LAMB4: variants seen among roughly 807,000 people sequenced by gnomAD.
The protein encoded by LAMB4 is laminin subunit beta-4.
LAMB4 carries 196 observed loss-of-function variants against 199.2 expected under a neutral mutation model. The observed-to-expected ratio is 0.98, with a 90% CI of 0.88 to 1.11. The LOEUF is 1.11. LAMB4 is among the 50% of genes least tolerant of loss of function. LAMB4 has a pLI of 0.00. For missense variants in LAMB4, 2,080 were observed against 2,171.2 expected (o/e 0.96, Z 0.83); for synonymous variants, 744 against 770.6 (o/e 0.97, Z 0.57).
rs534373430 is a variant in LAMB4 at position 108,028,953 on chromosome 7, T to A, written c.5146+90A>T. The A allele has an allele frequency of 4.7e-4, 602 of 1,273,094 alleles. 3 individuals carry two copies. The highest frequency in any genetic ancestry group is 3.1e-3 in the South Asian group (210 of 67,954). The allele number at this position is 1,273,094 out of a possible 1,614,324, so 78.9% of individuals were successfully genotyped here. A position where few individuals can be genotyped will look rare whatever the true frequency, so the allele number is the denominator to read the frequency against. On this transcript the variant is annotated intron_variant, in intron 33 of 33. Transcript: ENST00000388781. The stretch of plus-strand genomic sequence containing the variant: ...CCTCAGTGGACCCAAGTGATAAAAC[T>A]GTAAGCTGACATTGGTATAAATTCT...
intron 29 of LAMB4, among the ~76,000 whole-genome samples, chr7:108,039,589 C>T (rs2035350854): frequency 6.6e-6 from 1 of 151,698 alleles, no homozygotes; most frequent in Non-Finnish European, 1.5e-5. Context: ...CTGTCTCAGC[C>T]TCCCAAATAG....
At chr7:108,047,418 T>C (rs1021521999) in intron 28 of LAMB4, among the ~76,000 whole-genome samples, 3 of 152,208 alleles carry the variant, frequency 2.0e-5, no homozygotes, top group Non-Finnish European at 4.4e-5. Flanking sequence ...TGATGATCTA[T>C]TTCCTCTCAA....
In LAMB4 at chr7:108,047,935, G is replaced by A. The variant is rs2035687382; in HGVS notation, c.4299C>T (p.Asp1433=). 1 of 1,614,088 alleles carries A rather than the reference G, an allele frequency of 6.2e-7. No homozygotes were observed. Among genetic ancestry groups the A allele is most frequent in the Non-Finnish European group, 8.5e-7 (1 of 1,179,956 alleles). The part of the protein sequence containing the change: ...QEAKSIIRNL[D]KQVRGLKNQI... ...GATTTTTCAACCCACGAACCTGTTT[G>A]TCCAAATTACGAATAATGGATTTTG... Residue 1433 remains aspartate, a synonymous_variant, in exon 28 of 34, where the codon GAC becomes GAT. Coordinates refer to ENST00000388781, the MANE Select transcript of LAMB4 (RefSeq NM_007356.3).
At chr7:108,124,115 A>G (rs1423921210) in intron 1 of LAMB4, among the ~76,000 whole-genome samples, 1 of 152,126 alleles carries the variant, frequency 6.6e-6, no homozygotes, top group Admixed American at 6.6e-5. Flanking sequence ...CCTGGATTCA[A>G]GCTGATTCTC....
chr7:108,018,867 A>G (rs2034635922), downstream of LAMB4, among the ~76,000 whole-genome samples: 1 of 152,106 alleles, frequency 6.6e-6, no homozygotes. Context: ...CCCTACCCAT[A>G]TCTTTGTAAA....
Position 108,068,125 on chromosome 7 carries a change from G to GGATCCGACT in LAMB4, c.2328_2336dup (p.Val777_Ser779dup). 6.2e-7 allele frequency: 1 copy of GGATCCGACT among 1,614,158 alleles called. No individual in the cohort carries two copies. On this transcript the variant is annotated inframe_insertion, in exon 19 of 34. Transcript: ENST00000388781. ...ACTGGCCTCCAAGTCGGCTGCAGCT[G>GGATCCGACT]GATCCGACTGAGCCCTGGGGGTGAC...
chr7:108,092,333 T>C lies in LAMB4; in HGVS notation c.1550+4A>G, dbSNP rs2037439329. The C allele has an allele frequency of 6.2e-7, 1 of 1,607,998 alleles. No homozygotes were observed. Among genetic ancestry groups the C allele is most frequent in the South Asian group, 1.1e-5 (1 of 90,906 alleles). On this transcript the variant is annotated splice_donor_region_variant and intron_variant, in intron 13 of 33. Transcript: ENST00000388781. Reference sequence around the variant, plus strand: ...AATATTGCTATAAAACTTATTTGACTTACACGTTAGAATAAGCACCTCCAA... The same window carrying C: ...AATATTGCTATAAAACTTATTTGACCTACACGTTAGAATAAGCACCTCCAA...
intron 32 of LAMB4, 91 bp downstream of exon 32, chr7:108,030,715 T>G: frequency 4.1e-6 from 5 of 1,221,602 alleles, no homozygotes; most frequent in Non-Finnish European, 5.9e-6. Context: ...AAGGAAATGA[T>G]GAGAAATGGC....
rs147043885 is a variant in LAMB4, at chr7:108,117,996, C to G, written c.35-1835G>C. ...ATCTTGTGCTGACCTCCTATCTCAT[C>G]CTGTGACTTAGAATGCCTTAACCAT... On this transcript the variant is annotated intron_variant, in intron 2 of 33. Coordinates refer to ENST00000388781, the MANE Select transcript of LAMB4 (RefSeq NM_007356.3). 6.5e-3 allele frequency among the ~76,000 whole-genome samples: 982 copies of G among 152,238 alleles called. 11 individuals carry two copies. Among genetic ancestry groups the G allele is most frequent in the African/African-American group, 0.021 (864 of 41,536 alleles).
At chr7:108,018,072 G>A in the LAMB4 span, among the ~76,000 whole-genome samples, 1 of 152,206 alleles carries the variant, frequency 6.6e-6, no homozygotes, top group African/African-American at 2.4e-5. Context: ...AGGAGTTGGG[G>A]TACCCGCAAA....
chr7:108,107,590 GT>G, intron 6 of LAMB4, 40 bp downstream of exon 6: 1 of 1,453,994 alleles, frequency 6.9e-7, no homozygotes, highest in Non-Finnish European at 9.4e-7. Context: ...CTTTTTAAAA[GT>G]TTAATTTATA....
chr7:108,116,778 C>T (rs1260310227), intron 2 of LAMB4, among the ~76,000 whole-genome samples: 1 of 152,164 alleles, frequency 6.6e-6, no homozygotes, highest in African/African-American at 2.4e-5. Flanking sequence ...CATGCCTGTA[C>T]ATCTCAGCAC....
chr7:108,098,139 C>T (rs565967638), intron 11 of LAMB4, among the ~76,000 whole-genome samples: 104 of 152,192 alleles, frequency 6.8e-4, no homozygotes, highest in Middle Eastern at 3.4e-3. Context: ...TTGAAACCAG[C>T]CTGGCCAACA....
intron 13 of LAMB4, among the ~76,000 whole-genome samples, chr7:108,092,077 CA>C (rs2150613646): frequency 6.6e-6 from 1 of 152,110 alleles, no homozygotes; most frequent in South Asian, 2.1e-4. Flanking sequence ...TACAACATGG[CA>C]AAAAGCTGGT....
chr7:108,057,413 G>A (rs2036017387), intron 24 of LAMB4, among the ~76,000 whole-genome samples: 1 of 152,180 alleles, frequency 6.6e-6, no homozygotes, highest in Non-Finnish European at 1.5e-5. Context: ...AATGGGGCAA[G>A]GGAATGAGCA....
chr7:108,090,467 G>A (rs1563082641), intron 14 of LAMB4, among the ~76,000 whole-genome samples: 1 of 152,020 alleles, frequency 6.6e-6, no homozygotes, highest in Non-Finnish European at 1.5e-5. Context: ...CATGGAGGGA[G>A]TAGTAAGGGT....
At chr7:108,050,035 A>C (rs2035778222) in intron 26 of LAMB4, among the ~76,000 whole-genome samples, 1 of 152,236 alleles carries the variant, frequency 6.6e-6, no homozygotes, top group Admixed American at 6.5e-5. Context: ...TTAACGTTTT[A>C]GGCTTTGCTG....
At chr7:108,081,050 A>T (rs1347245613) in intron 14 of LAMB4, among the ~76,000 whole-genome samples, 1 of 152,176 alleles carries the variant, frequency 6.6e-6, no homozygotes, top group Non-Finnish European at 1.5e-5. Context: ...TGAACCTGGG[A>T]GGCAGAGGTT....
intron 25 of LAMB4, 26 bp downstream of exon 25, chr7:108,055,606 G>A (rs773779808): frequency 9.4e-6 from 15 of 1,590,716 alleles, no homozygotes; most frequent in African/African-American, 1.4e-5. Context: ...GAGTTTGGCT[G>A]TCTGTTACTT....
Sources: gnomAD v4.1 joint callset for allele counts (sites outside exome capture counted in the v4.1 genomes callset) on GRCh38, gnomAD v4.1.1 for gene constraint, MANE v1.5 for transcripts, NCBI Gene and HGNC (gene_info 2026-07-23, HGNC 2026-07-21) for gene names.